Variants in DPP6 observed in about 807,000 individuals in gnomAD.
The protein encoded by DPP6 is A-type potassium channel modulatory protein DPP6.
In DPP6, 69 loss-of-function variants were observed where a neutral mutation model predicts 122.6. That is an observed-to-expected ratio of 0.56 (90% CI 0.46 to 0.69). The LOEUF (loss-of-function observed/expected upper bound fraction) is 0.69. Ranked by LOEUF, DPP6 falls within the 30% of genes least tolerant of loss-of-function variation. DPP6 has a pLI of 0.00. For missense variants in DPP6, 928 were observed against 1,116.9 expected (o/e 0.83, Z 2.41); for synonymous variants, 418 against 433.1 (o/e 0.97, Z 0.43).
intron 7 of DPP6, among the ~76,000 whole-genome samples, chr7:154,712,305 A>G (rs943346045): frequency 2.0e-5 from 3 of 152,228 alleles, no homozygotes; most frequent in Non-Finnish European, 4.4e-5. Flanking sequence ...TAATAATTCC[A>G]TATTGTATAC....
chr7:154,727,906 GA>G lies in DPP6; in HGVS notation c.883+25del. ...TATGAAGGTAAGATGTGCACAGAGA[GA>G]AAAAAGGAAGATTTGTGGTTGCTGC... On this transcript the variant is annotated intron_variant, in intron 8 of 25. Coordinates refer to ENST00000377770, the MANE Select transcript of DPP6 (RefSeq NM_130797.4). 1 of 1,560,730 alleles carries G rather than the reference GA, an allele frequency of 6.4e-7. No homozygotes were observed. Among genetic ancestry groups the G allele is most frequent in the Admixed American group, 1.9e-5 (1 of 52,238 alleles).
chr7:154,797,879 T>C (rs1322742908), intron 12 of DPP6, among the ~76,000 whole-genome samples: 1 of 151,788 alleles, frequency 6.6e-6, no homozygotes, highest in Non-Finnish European at 1.5e-5. Flanking sequence ...GGAGATGAGA[T>C]GTTCACGTTA....
At chr7:154,859,778 G>GTGAA (rs1803193515) in intron 17 of DPP6, among the ~76,000 whole-genome samples, 1 of 152,214 alleles carries the variant, frequency 6.6e-6, no homozygotes, top group Non-Finnish European at 1.5e-5. Context: ...CAAAATCATA[G>GTGAA]TGAATACATT....
intron 1 of DPP6, among the ~76,000 whole-genome samples, chr7:153,997,862 G>A: frequency 6.6e-6 from 1 of 151,766 alleles, no homozygotes; most frequent in South Asian, 2.1e-4. Flanking sequence ...GAATAGAGAA[G>A]CACTGGGCAG....
At chr7:153,919,639 C>A (rs1391865669) in intron 1 of DPP6, among the ~76,000 whole-genome samples, 6 of 152,074 alleles carry the variant, frequency 3.9e-5, no homozygotes, top group African/African-American at 1.4e-4. Context: ...ACTGCAGAGG[C>A]CAGGAGTCAG....
chr7:154,804,902 T>C lies in DPP6; in HGVS notation c.1500-15T>C. On this transcript the variant is annotated splice_polypyrimidine_tract_variant and intron_variant, in intron 14 of 25. Coordinates refer to ENST00000377770, the MANE Select transcript of DPP6 (RefSeq NM_130797.4). ...TGGAGCAAACTAACCCTGTGCACCT[T>C]GGTGATCTTTGCAGCTACTTCCTGA... 2 of 1,598,866 alleles carry C rather than the reference T, an allele frequency of 1.3e-6. No individual in the cohort carries two copies. Among genetic ancestry groups the C allele is most frequent in the Non-Finnish European group, 1.7e-6 (2 of 1,172,318 alleles).
At chr7:154,816,812 G>GATCTTGCACTTACACTAGC (rs1799451973) in intron 16 of DPP6, among the ~76,000 whole-genome samples, 1 of 152,112 alleles carries the variant, frequency 6.6e-6, no homozygotes, top group Non-Finnish European at 1.5e-5. Flanking sequence ...GGAACCCCTG[G>GATCTTGCACTTACACTAGC]ATCTTGCACT....
intron 1 of DPP6, among the ~76,000 whole-genome samples, chr7:154,036,909 C>T (rs1799563161): frequency 6.6e-6 from 1 of 152,204 alleles, no homozygotes; most frequent in Admixed American, 6.5e-5. Flanking sequence ...ACAGACCCAG[C>T]AGGCACACGG....
At chr7:153,933,210 A>G (rs1262630960) in intron 1 of DPP6, among the ~76,000 whole-genome samples, 1 of 152,210 alleles carries the variant, frequency 6.6e-6, no homozygotes, top group African/African-American at 2.4e-5. Context: ...CCTCAACGGT[A>G]AACAAGATTT....
chr7:154,192,007 C>G (rs531682350), intron 1 of DPP6, among the ~76,000 whole-genome samples: 21 of 152,252 alleles, frequency 1.4e-4, no homozygotes, highest in African/African-American at 4.6e-4. Flanking sequence ...ACAAGACAAA[C>G]ATTTAACCTA....
intron 4 of DPP6, among the ~76,000 whole-genome samples, chr7:154,551,230 T>C (rs1322197849): frequency 1.3e-5 from 2 of 152,240 alleles, no homozygotes; most frequent in Non-Finnish European, 2.9e-5. Flanking sequence ...CAAGTAGTCT[T>C]GAAATAGTAA....
chr7:154,026,421 G>C (rs987792409), intron 1 of DPP6: 3 of 152,076 alleles, frequency 2.0e-5, no homozygotes, highest in African/African-American at 7.2e-5. Context: ...GAATCCTAGT[G>C]AATCATCAAG....
rs1162294580 is a variant in DPP6 at position 154,149,102 on chromosome 7, T to C, written c.243+96039T>C. ...TCCAAAGGGAGCTTCATCCCTCCGATGGCCATTCCCCTGCAGTCCGTGAAC... is the reference window on the plus strand; with the variant it reads ...TCCAAAGGGAGCTTCATCCCTCCGACGGCCATTCCCCTGCAGTCCGTGAAC... On this transcript the variant is annotated intron_variant, in intron 1 of 25. Coordinates refer to ENST00000377770, the MANE Select transcript of DPP6 (RefSeq NM_130797.4). Among the ~76,000 whole-genome samples, 6 of 152,320 alleles carry C rather than the reference T, an allele frequency of 3.9e-5. No individual in the cohort carries two copies. The East Asian group carries it at 7.7e-4, about 20-fold the overall frequency.
chr7:154,659,735 T>C (rs1837494372), intron 6 of DPP6, among the ~76,000 whole-genome samples: 1 of 152,246 alleles, frequency 6.6e-6, no homozygotes, highest in Admixed American at 6.5e-5. Flanking sequence ...CCTGGTGTTT[T>C]TGAAGACAGA....
intron 1 of DPP6, among the ~76,000 whole-genome samples, chr7:154,375,040 A>T (rs950095994): frequency 6.6e-6 from 1 of 152,222 alleles, no homozygotes; most frequent in African/African-American, 2.4e-5. Flanking sequence ...TAATGAGAGC[A>T]CATGGGCTTG....
At chr7:153,869,522 C>T in the DPP6 span, among the ~76,000 whole-genome samples, 2 of 152,128 alleles carry the variant, frequency 1.3e-5, no homozygotes, top group Admixed American at 6.5e-5. Flanking sequence ...TTCCTCCATC[C>T]CTTTATTTGG....
Position 153,965,665 on chromosome 7 carries a change from A to G in DPP6, c.51+77931A>G, listed in dbSNP as rs546289754. ...GTAGCTGGGACTACAGGCGCCCACC[A>G]CCACGCCTGGCTAATTTTTTGTATT... On this transcript the variant is annotated intron_variant, in intron 1 of 25. Transcript: ENST00000404039. 2.0e-5 allele frequency among the ~76,000 whole-genome samples: 3 copies of G among 151,846 alleles called. No homozygotes were observed. In the East Asian group the frequency reaches 5.8e-4, roughly 29 times the overall value.
rs543296938 is a variant in DPP6, at chr7:154,282,139, C to T, written c.244-164075C>T. Among the ~76,000 whole-genome samples the T allele has an allele frequency of 6.6e-6, 1 of 152,216 alleles. No homozygotes were observed. Among genetic ancestry groups the T allele is most frequent in the African/African-American group, 2.4e-5 (1 of 41,518 alleles). ...GGGTGGGGACAGGGCTGGCACAGTG[C>T]CTGGCATGTTCTAACCATCTATAAT... On this transcript the variant is annotated intron_variant, in intron 1 of 25. Transcript: ENST00000377770. This position sits in a 1 kb window ranked among gnomAD's most constrained non-coding sequence, Gnocchi z 4.8.
At chr7:154,814,261 C>T (rs1237010059) in intron 16 of DPP6, among the ~76,000 whole-genome samples, 2 of 152,124 alleles carry the variant, frequency 1.3e-5, no homozygotes, top group African/African-American at 2.4e-5. Context: ...TATATTCTAG[C>T]GTAAATATAT....
Sources: allele counts gnomAD v4.1 joint callset (sites outside exome capture counted in the v4.1 genomes callset), GRCh38; gene constraint gnomAD v4.1.1; non-coding constraint Gnocchi (gnomAD v3.1); transcripts MANE v1.5; gene names NCBI Gene and HGNC (gene_info 2026-07-23, HGNC 2026-07-21).